Variants in PCDH7 observed in about 807,000 individuals in gnomAD.
PCDH7 encodes the protein protocadherin-7.
PCDH7 carries 17 observed loss-of-function variants against 58.9 expected under a neutral mutation model. That is an observed-to-expected ratio of 0.29 (90% CI 0.20 to 0.43). The LOEUF is 0.43. Ranked by LOEUF, PCDH7 falls within the 20% of genes least tolerant of loss-of-function variation. The pLI is 1.00. For missense variants in PCDH7, 1,274 were observed against 1,441.0 expected (o/e 0.88, Z 1.88); for synonymous variants, 664 against 616.4 (o/e 1.08, Z -1.14).
chr4:30,822,014 G>T (rs75997028), intron 1 of PCDH7, among the ~76,000 whole-genome samples: 5 of 152,042 alleles, frequency 3.3e-5, no homozygotes, highest in Non-Finnish European at 5.9e-5. Context: ...GCCCTGTCTC[G>T]TAGCAGCATA....
At chr4:31,074,209 T>C (rs752268627) in intron 3 of PCDH7, among the ~76,000 whole-genome samples, 4 of 151,654 alleles carry the variant, frequency 2.6e-5, no homozygotes, top group South Asian at 2.1e-4. Context: ...TTCTTACTTA[T>C]ATGTTTATTC....
intron 1 of PCDH7, among the ~76,000 whole-genome samples, chr4:30,791,370 T>A (rs183205410): frequency 2.6e-5 from 4 of 152,340 alleles, no homozygotes; most frequent in African/African-American, 9.6e-5. Context: ...TAACAATATT[T>A]ACTATTTACC....
chr4:30,814,145 G>C (rs1174654804), intron 1 of PCDH7, among the ~76,000 whole-genome samples: 2 of 151,476 alleles, frequency 1.3e-5, no homozygotes, highest in Non-Finnish European at 2.9e-5. Flanking sequence ...TTTACATATA[G>C]GCAATTTTTA....
intron 1 of PCDH7, among the ~76,000 whole-genome samples, chr4:30,861,525 C>A (rs192733888): frequency 6.6e-6 from 1 of 152,142 alleles, no homozygotes; most frequent in Non-Finnish European, 1.5e-5. Context: ...CTTATTTCAA[C>A]ACTTGTGAAT....
intron 1 of PCDH7, among the ~76,000 whole-genome samples, chr4:30,745,206 T>G (rs1458273868): frequency 6.6e-6 from 1 of 152,016 alleles, no homozygotes; most frequent in Non-Finnish European, 1.5e-5. Flanking sequence ...ATAAATTATA[T>G]TTTCCTAAAA....
chr4:30,933,073 C>A (rs1226886089), intron 2 of PCDH7, among the ~76,000 whole-genome samples: 2 of 151,252 alleles, frequency 1.3e-5, no homozygotes, highest in Non-Finnish European at 2.9e-5. Flanking sequence ...TGTCGCCAGG[C>A]TGGAGTGCAG....
At chr4:30,931,052 C>T (rs1318006907) in intron 2 of PCDH7, among the ~76,000 whole-genome samples, 1 of 152,050 alleles carries the variant, frequency 6.6e-6, no homozygotes, top group Admixed American at 6.5e-5. Flanking sequence ...ATATCTAGTC[C>T]TGCAGAGATG....
intron 3 of PCDH7, among the ~76,000 whole-genome samples, chr4:30,988,409 A>T (rs1751174856): frequency 1.3e-5 from 2 of 152,232 alleles, no homozygotes; most frequent in African/African-American, 4.8e-5. Context: ...AGTTGTAAAC[A>T]CTATAGTCTG....
chr4:30,997,213 T>G (rs1357137261), intron 3 of PCDH7, among the ~76,000 whole-genome samples: 1 of 152,134 alleles, frequency 6.6e-6, no homozygotes, highest in Non-Finnish European at 1.5e-5. Context: ...ACAAAATAAA[T>G]GTATTTATAA....
chr4:30,986,975 G>A (rs1751028279), intron 3 of PCDH7, among the ~76,000 whole-genome samples: 1 of 144,808 alleles, frequency 6.9e-6, no homozygotes, highest in Non-Finnish European at 1.6e-5. Context: ...GCGAGATTCC[G>A]TCTCAAAAAA....
chr4:31,019,335 T>TA (rs1324417407), intron 3 of PCDH7, among the ~76,000 whole-genome samples: 1 of 152,192 alleles, frequency 6.6e-6, no homozygotes, highest in Non-Finnish European at 1.5e-5. Flanking sequence ...ATTTATTTAG[T>TA]AAAAATGTTG....
rs550196010 is a variant in PCDH7 at position 30,855,548 on chromosome 4, C to T, written c.71-64605C>T. ...CAGTCAAATGAGCCTCTCTTGAAAT[C>T]TGGCTTCTCTGTAACCTGCTGCTAC... On this transcript the variant is annotated intron_variant, in intron 1 of 3. Transcript: ENST00000509759. Among the ~76,000 whole-genome samples the T allele has an allele frequency of 3.3e-5, 5 of 152,258 alleles. No homozygotes were observed. The South Asian group carries it at 1.0e-3, about 32-fold the overall frequency.
chr4:30,908,300 A>G (rs1420789807), intron 1 of PCDH7, among the ~76,000 whole-genome samples: 2 of 152,026 alleles, frequency 1.3e-5, no homozygotes, highest in East Asian at 1.9e-4. Flanking sequence ...CTAATTAAAG[A>G]GTCCCCTATG....
rs755951972 is a variant in PCDH7, at chr4:30,721,737, G to C, written c.315G>C (p.Glu105Asp). Residue 105 changes from glutamate (E) to aspartate (D), a missense_variant, in exon 1 of 2, where the codon GAG (glutamate) becomes GAC (aspartate). Coordinates refer to ENST00000361762, the Ensembl canonical transcript of PCDH7. The surrounding 1 kb of genome is among the most constrained non-coding windows in gnomAD (Gnocchi z 6.7). ...CCCAGTGTCAGATGATCTTCGACGA[G>C]AACGAGTGCTTCCTGGACTTCGAGG... 7.4e-6 allele frequency: 12 copies of C among 1,614,056 alleles called. No homozygotes were observed. The highest frequency in any genetic ancestry group is 1.0e-5 in the Non-Finnish European group (12 of 1,180,028).
intron 3 of PCDH7, among the ~76,000 whole-genome samples, chr4:30,984,260 A>G (rs1750793297): frequency 6.6e-6 from 1 of 152,198 alleles, no homozygotes. Context: ...GCTGAAACAG[A>G]AAAGACTTCA....
intron 2 of PCDH7, among the ~76,000 whole-genome samples, chr4:30,941,833 A>G (rs1005461686): frequency 6.6e-6 from 1 of 151,986 alleles, no homozygotes; most frequent in Non-Finnish European, 1.5e-5. Context: ...AGGTGGAGTT[A>G]GAAACCTGTC....
chr4:30,977,025 T>G (rs1750134166), intron 3 of PCDH7, among the ~76,000 whole-genome samples: 1 of 152,226 alleles, frequency 6.6e-6, no homozygotes. Flanking sequence ...AATATATGGT[T>G]ATTTTAATAC....
At chr4:31,037,276 G>A (rs978253796) in intron 3 of PCDH7, among the ~76,000 whole-genome samples, 1 of 151,734 alleles carries the variant, frequency 6.6e-6, no homozygotes, top group African/African-American at 2.4e-5. Flanking sequence ...CTGTATGTTG[G>A]GAATAACAAT....
intron 1 of PCDH7, among the ~76,000 whole-genome samples, chr4:30,744,963 T>C (rs1472854907): frequency 1.3e-5 from 2 of 152,212 alleles, no homozygotes; most frequent in Non-Finnish European, 2.9e-5. Flanking sequence ...AATTCTTCAC[T>C]CTTGGCTCTA....
Sources: gnomAD v4.1 joint callset for allele counts (sites outside exome capture counted in the v4.1 genomes callset) on GRCh38, gnomAD v4.1.1 for gene constraint, Gnocchi (gnomAD v3.1) non-coding constraint, MANE v1.5 for transcripts, NCBI Gene and HGNC (gene_info 2026-07-23, HGNC 2026-07-21) for gene names.